Variants in MECOM observed in about 807,000 individuals in gnomAD.
MECOM encodes histone-lysine N-methyltransferase MECOM.
In MECOM, 13 loss-of-function variants were observed where a neutral mutation model predicts 116.3. The observed-to-expected ratio is 0.11, with a 90% CI of 0.07 to 0.18. The LOEUF (loss-of-function observed/expected upper bound fraction) is 0.18, where lower values mean the gene tolerates loss of function less well. Among genes scored for constraint, MECOM ranks in the 10% least tolerant of loss-of-function variants. MECOM has a pLI of 1.00. For synonymous variants in MECOM, 528 were observed against 535.2 expected, an observed-to-expected ratio of 0.99 and a Z score of 0.19; for missense variants, 1,299 against 1,509.0, an observed-to-expected ratio of 0.86 and a Z score of 2.31.
intron 2 of MECOM, among the ~76,000 whole-genome samples, chr3:169,325,633 T>C (rs1332377979): frequency 6.6e-6 from 1 of 152,234 alleles, no homozygotes; most frequent in East Asian, 1.9e-4. Flanking sequence ...CTGAATGCAC[T>C]GTATCAACTA....
At chr3:169,646,659 A>T (rs1774231741) in intron 1 of MECOM, among the ~76,000 whole-genome samples, 1 of 152,082 alleles carries the variant, frequency 6.6e-6, no homozygotes, top group African/African-American at 2.4e-5. Flanking sequence ...AAAAAAAAAA[A>T]TTAGAAAGTT....
chr3:169,315,645 C>T (rs567007935), intron 2 of MECOM, among the ~76,000 whole-genome samples: 2 of 152,268 alleles, frequency 1.3e-5, no homozygotes, highest in African/African-American at 4.8e-5. Context: ...TCCCTCCAGC[C>T]TCAATAGTAA....
In MECOM at chr3:169,644,080, A is replaced by G. The variant is rs552246699; in HGVS notation, c.37+19256T>C. Among the ~76,000 whole-genome samples the G allele has an allele frequency of 5.3e-5, 8 of 152,260 alleles. No homozygotes were observed. The South Asian group carries it at 1.7e-3, about 32-fold the overall frequency. On this transcript the variant is annotated intron_variant, in intron 1 of 16. Coordinates refer to ENST00000651503, the MANE Select transcript of MECOM (RefSeq NM_004991.4). ...AGAATCATTCTATTTTCTTTAGTTT[A>G]TCATATAGTATGCTACAAAACTCCT...
intron 2 of MECOM, among the ~76,000 whole-genome samples, chr3:169,183,287 T>C (rs376491768): frequency 1.3e-5 from 2 of 152,162 alleles, no homozygotes; most frequent in East Asian, 1.9e-4. Context: ...GGGTAGGATT[T>C]CTGAAGACAA....
At chr3:169,098,502 C>T (rs1722462342) in intron 12 of MECOM, among the ~76,000 whole-genome samples, 1 of 152,190 alleles carries the variant, frequency 6.6e-6, no homozygotes, top group East Asian at 1.9e-4. Context: ...ATCAAGGGTA[C>T]ATGATGCTGA....
intron 1 of MECOM, among the ~76,000 whole-genome samples, chr3:169,643,998 G>A (rs1373947333): frequency 7.9e-5 from 12 of 151,946 alleles, no homozygotes; most frequent in Non-Finnish European, 8.8e-5. Context: ...CCCCTCGTAC[G>A]CATTGCCTAG....
In MECOM at chr3:169,533,576, ATT is replaced by A. The variant is rs57279349; in HGVS notation, c.37+129758_37+129759del. 1.0e-3 allele frequency among the ~76,000 whole-genome samples: 89 copies of A among 85,078 alleles called. 1 individual carries two copies. The highest frequency in any genetic ancestry group is 2.1e-3 in the Admixed American group (20 of 9,696). 55.8% of individuals were successfully genotyped at this position (85,078 alleles called of 152,430 possible). A position where few individuals can be genotyped will look rare whatever the true frequency, so the allele number is the denominator to read the frequency against. Reference sequence around the variant, plus strand: ...TCCTCTTATCAATGACCCAGTGCTGATTTTTTTTTTTTTTTATTTCCTTATGT... The same window carrying A: ...TCCTCTTATCAATGACCCAGTGCTGATTTTTTTTTTTTTATTTCCTTATGT... On this transcript the variant is annotated intron_variant, in intron 1 of 16. Coordinates refer to ENST00000651503, the MANE Select transcript of MECOM (RefSeq NM_004991.4).
chr3:169,401,966 G>C (rs922178472), intron 1 of MECOM, among the ~76,000 whole-genome samples: 2 of 152,150 alleles, frequency 1.3e-5, no homozygotes, highest in Non-Finnish European at 1.5e-5. Flanking sequence ...ATATTAGCAT[G>C]ATCACTCTGA....
At chr3:169,621,711 C>T (rs575700117) in intron 1 of MECOM, among the ~76,000 whole-genome samples, 2 of 152,108 alleles carry the variant, frequency 1.3e-5, no homozygotes, top group African/African-American at 2.4e-5. Context: ...GAGCTGAGTT[C>T]GTGCCACTGC....
At chr3:169,186,351 AG>A (rs1254169742) in intron 2 of MECOM, among the ~76,000 whole-genome samples, 3 of 38,662 alleles carry the variant, frequency 7.8e-5, no homozygotes, top group African/African-American at 4.4e-4. Context: ...GAGGGAAGGA[AG>A]GAAGGAAGGA....
intron 2 of MECOM, among the ~76,000 whole-genome samples, chr3:169,307,337 A>G (rs1205208623): frequency 6.6e-6 from 1 of 152,188 alleles, no homozygotes; most frequent in Non-Finnish European, 1.5e-5. Flanking sequence ...AATCATTGTA[A>G]TCCCAGTACT....
intron 2 of MECOM, among the ~76,000 whole-genome samples, chr3:169,278,370 C>A (rs1404882888): frequency 2.0e-5 from 3 of 152,158 alleles, no homozygotes; most frequent in African/African-American, 7.2e-5. Flanking sequence ...TAGATCCAGT[C>A]CTAAATGCCT....
chr3:169,518,754 G>A (rs777440029), intron 1 of MECOM, among the ~76,000 whole-genome samples: 6 of 152,256 alleles, frequency 3.9e-5, no homozygotes, highest in South Asian at 4.2e-4. Flanking sequence ...GAACCTTATG[G>A]GAGGTGATTG....
chr3:169,115,805 T>A lies in MECOM; in HGVS notation c.2067A>T (p.Leu689Phe). The change falls in exon 8 of 17, where the codon TTA (leucine) becomes TTT (phenylalanine). Residue 689 changes from leucine to phenylalanine, a missense_variant. By Grantham distance (22) the Leu-to-Phe change is conservative. Transcript: ENST00000651503. ...GGAGGGGAAACATGGAAGGGTAAGG[T>A]AAAGCTCCAACTTTTTTGTCTTGCA... is the stretch of plus-strand genomic sequence containing the variant. Reference protein sequence around the residue: ...VGLQDKKVGALPYPSMFPLPF... With the variant: ...VGLQDKKVGAFPYPSMFPLPF... 1.9e-6 allele frequency: 3 copies of A among 1,614,078 alleles called. No homozygotes were observed. Among genetic ancestry groups the A allele is most frequent in the Non-Finnish European group, 2.5e-6 (3 of 1,180,018 alleles).
chr3:169,396,521 A>G (rs1318410895), intron 1 of MECOM, among the ~76,000 whole-genome samples: 1 of 152,194 alleles, frequency 6.6e-6, no homozygotes, highest in Non-Finnish European at 1.5e-5. Flanking sequence ...TTTTGGATAC[A>G]CTATGTTAAA....
intron 2 of MECOM, among the ~76,000 whole-genome samples, chr3:169,356,046 C>CT: frequency 6.6e-6 from 1 of 151,926 alleles, no homozygotes; most frequent in African/African-American, 2.4e-5. Flanking sequence ...GCCTAAGCTT[C>CT]TTTTAAGAAA....
At position 169,247,806 on chromosome 3, in the gene MECOM, A is replaced by C. The variant is rs1193896925; in HGVS notation, c.376-103974T>G. ...TTGGCACTGAGAAATTTTCTAAAAAATACAATTTTATTGACATATATTTAA... is the reference window on the plus strand; with the variant it reads ...TTGGCACTGAGAAATTTTCTAAAAACTACAATTTTATTGACATATATTTAA... On this transcript the variant is annotated intron_variant, in intron 2 of 16. Transcript: ENST00000651503. 3.3e-5 allele frequency among the ~76,000 whole-genome samples: 5 copies of C among 152,342 alleles called. No homozygotes were observed. The East Asian group carries it at 5.8e-4, about 18-fold the overall frequency.
intron 2 of MECOM, among the ~76,000 whole-genome samples, chr3:169,265,567 T>C (rs1414846545): frequency 6.6e-6 from 1 of 152,208 alleles, no homozygotes; most frequent in Non-Finnish European, 1.5e-5. Flanking sequence ...AAGGTTCTTT[T>C]CAAGCTAGAG....
chr3:169,460,759 G>T (rs937878523), intron 1 of MECOM, among the ~76,000 whole-genome samples: 2 of 152,158 alleles, frequency 1.3e-5, no homozygotes, highest in Non-Finnish European at 2.9e-5. Context: ...TCCATTACAG[G>T]TTCCATAGAC....
Sources: gnomAD v4.1 joint callset for allele counts (sites outside exome capture counted in the v4.1 genomes callset) on GRCh38, gnomAD v4.1.1 for gene constraint, MANE v1.5 for transcripts, NCBI Gene and HGNC (gene_info 2026-07-23, HGNC 2026-07-21) for gene names.